Variants in VKORC1L1 observed in about 807,000 individuals in gnomAD.
The protein encoded by VKORC1L1 is vitamin K epoxide reductase complex subunit 1-like protein 1.
In VKORC1L1, 2 loss-of-function variants were observed where a neutral mutation model predicts 18.9. The ratio of observed to expected loss-of-function variants is 0.11; its 90% confidence interval spans 0.04 to 0.33. The LOEUF (loss-of-function observed/expected upper bound fraction) is 0.33, where lower values mean the gene tolerates loss of function less well. Among genes scored for constraint, VKORC1L1 ranks in the 10% least tolerant of loss-of-function variants. The pLI, the probability that VKORC1L1 is intolerant of heterozygous loss-of-function variation, is 1.00. For synonymous variants in VKORC1L1, 96 were observed against 100.0 expected (o/e 0.96, Z 0.24); for missense variants, 123 against 224.1 (o/e 0.55, Z 2.88).
intron 1 of VKORC1L1, among the ~76,000 whole-genome samples, chr7:65,912,505 C>G (rs1234523040): frequency 1.3e-5 from 2 of 152,194 alleles, no homozygotes; most frequent in Non-Finnish European, 2.9e-5. Context: ...TGAGAATAAC[C>G]TCATGAAGCA....
intron 1 of VKORC1L1, among the ~76,000 whole-genome samples, chr7:65,917,605 T>C (rs2115604070): frequency 6.6e-6 from 1 of 152,302 alleles, no homozygotes; most frequent in Middle Eastern, 3.4e-3. Context: ...CAGAAAACTT[T>C]AAAGAATTTT....
At chr7:65,889,607 C>T (rs112574973) in intron 1 of VKORC1L1, among the ~76,000 whole-genome samples, 2 of 152,208 alleles carry the variant, frequency 1.3e-5, no homozygotes, top group African/African-American at 2.4e-5. Flanking sequence ...CTGTAACCAA[C>T]ATTCCGGTCA....
chr7:65,877,239 T>TAA (rs1278742542), intron 1 of VKORC1L1, among the ~76,000 whole-genome samples: 4 of 152,226 alleles, frequency 2.6e-5, no homozygotes, highest in Admixed American at 2.6e-4. Context: ...TTTATATGTT[T>TAA]AAACATTAAT....
At chr7:65,890,411 G>A (rs188422762) in intron 1 of VKORC1L1, among the ~76,000 whole-genome samples, 1 of 152,082 alleles carries the variant, frequency 6.6e-6, no homozygotes, top group Non-Finnish European at 1.5e-5. Flanking sequence ...GATTACAGGC[G>A]TGAGCCACCA....
chr7:65,939,545 CTT>C (rs1790000745), intron 1 of VKORC1L1, among the ~76,000 whole-genome samples: 1 of 152,206 alleles, frequency 6.6e-6, no homozygotes, highest in African/African-American at 2.4e-5. Flanking sequence ...AGAGAAAAAA[CTT>C]TGGAGGCAGA....
intron 1 of VKORC1L1, among the ~76,000 whole-genome samples, chr7:65,904,481 A>G (rs559769203): frequency 6.6e-5 from 10 of 152,288 alleles, no homozygotes; most frequent in African/African-American, 2.4e-4. Context: ...CTGGGATTAC[A>G]GGCGTGAGCT....
In VKORC1L1 at chr7:65,895,483, ATATATATAT is replaced by A. The variant is rs1789188685; in HGVS notation, c.194+21919_194+21927del. The stretch of plus-strand genomic sequence containing the variant: ...AAAAAAAAAAAAAAAAAAAAAAAAT[ATATATATAT>A]ATATATATATATATATATATATATA... On this transcript the variant is annotated intron_variant, in intron 1 of 2. Transcript: ENST00000360768. 4.5e-3 allele frequency among the ~76,000 whole-genome samples: 123 copies of A among 27,320 alleles called. 2 individuals carry two copies. Among genetic ancestry groups the A allele is most frequent in the South Asian group, 9.8e-3 (5 of 510 alleles). 17.9% of individuals were successfully genotyped at this position (27,320 alleles called of 152,430 possible).
chr7:65,914,545 A>G (rs573187741), intron 1 of VKORC1L1, among the ~76,000 whole-genome samples: 1 of 152,328 alleles, frequency 6.6e-6, no homozygotes, highest in East Asian at 1.9e-4. Flanking sequence ...ACTGCTTTTT[A>G]ATGGCAATTA....
At chr7:65,901,017 C>A (rs1242004165) in intron 1 of VKORC1L1, among the ~76,000 whole-genome samples, 1 of 151,888 alleles carries the variant, frequency 6.6e-6, no homozygotes, top group Non-Finnish European at 1.5e-5. Flanking sequence ...GAAAATGAGG[C>A]AAGAATAGGA....
chr7:65,946,644 A>G (rs1790123482), intron 1 of VKORC1L1, among the ~76,000 whole-genome samples: 1 of 152,250 alleles, frequency 6.6e-6, no homozygotes, highest in South Asian at 2.1e-4. Context: ...GCTGCAGGTA[A>G]TCTGGCATTT....
At chr7:65,927,368 T>C (rs1040563209) in intron 1 of VKORC1L1, among the ~76,000 whole-genome samples, 1 of 152,158 alleles carries the variant, frequency 6.6e-6, no homozygotes, top group Non-Finnish European at 1.5e-5. Flanking sequence ...CAGAATTCAC[T>C]ATATGTAGGA....
chr7:65,904,964 A>G (rs544112864), intron 1 of VKORC1L1, among the ~76,000 whole-genome samples: 61 of 152,178 alleles, frequency 4.0e-4, no homozygotes, highest in African/African-American at 1.4e-3. Context: ...CATCGTATAC[A>G]TATTATGTAT....
At position 65,959,096 on chromosome 7, in the gene VKORC1L1, G is replaced by T. The variant is rs1310852644; in HGVS notation, c.*4796G>T. ...AGGCGGGTGGATCACTTGAGGTCAG[G>T]AGTTCAAGACCAGCCTGGCCAACAT... On this transcript the variant is annotated 3_prime_UTR_variant, in exon 3 of 3. Transcript: ENST00000360768. 4 of 152,268 alleles carry T rather than the reference G, an allele frequency of 2.6e-5. No homozygotes were observed. The highest frequency in any genetic ancestry group is 5.9e-5 in the Non-Finnish European group (4 of 68,150). The allele number at this position is 152,268 out of a possible 1,614,324, so 9.4% of individuals were successfully genotyped here. A position where few individuals can be genotyped will look rare whatever the true frequency, so the allele number is the denominator to read the frequency against.
chr7:65,875,196 T>C (rs1236331386), intron 1 of VKORC1L1, among the ~76,000 whole-genome samples: 9 of 152,236 alleles, frequency 5.9e-5, no homozygotes, highest in African/African-American at 1.9e-4. Flanking sequence ...TCAGCCTGTT[T>C]ATAAACTACT....
In VKORC1L1 at chr7:65,958,652, G is replaced by A. The variant is rs1360640380; in HGVS notation, c.*4352G>A. The A allele has an allele frequency of 2.6e-5, 4 of 152,298 alleles. No individual in the cohort carries two copies. Among genetic ancestry groups the A allele is most frequent in the Admixed American group, 6.5e-5 (1 of 15,278 alleles). The allele number at this position is 152,298 out of a possible 1,614,324, so 9.4% of individuals were successfully genotyped here. On this transcript the variant is annotated 3_prime_UTR_variant, in exon 3 of 3. Transcript: ENST00000360768. The stretch of plus-strand genomic sequence containing the variant: ...GCCTTATATTCTTGAAGTCAATACT[G>A]TAACCTCATTTCTAAGGTATACAGG...
intron 1 of VKORC1L1, among the ~76,000 whole-genome samples, chr7:65,914,012 C>G (rs1722728473): frequency 6.6e-6 from 1 of 151,954 alleles, no homozygotes; most frequent in Admixed American, 6.6e-5. Flanking sequence ...TAGACTCCAA[C>G]CCTTATTTCT....
At chr7:65,869,526 G>A (rs10260870), upstream of VKORC1L1, among the ~76,000 whole-genome samples, 1 of 151,706 alleles carries the variant, frequency 6.6e-6, no homozygotes, top group African/African-American at 2.4e-5. Flanking sequence ...CATCAGAGCT[G>A]AGAAAGACGT....
chr7:65,944,916 C>CAAA (rs376538691), intron 1 of VKORC1L1, among the ~76,000 whole-genome samples: 1 of 74,976 alleles, frequency 1.3e-5, no homozygotes. Flanking sequence ...GACCCCGTCT[C>CAAA]AAAAAAAAAA....
intron 1 of VKORC1L1, among the ~76,000 whole-genome samples, chr7:65,879,864 C>T (rs772104971): frequency 2.3e-4 from 29 of 128,046 alleles, no homozygotes; most frequent in Non-Finnish European, 4.2e-4. Context: ...TCTTCTTTAA[C>T]TTTTTGAGAC....
Sources: allele counts gnomAD v4.1 joint callset (sites outside exome capture counted in the v4.1 genomes callset), GRCh38; gene constraint gnomAD v4.1.1; transcripts MANE v1.5; gene names NCBI Gene and HGNC (gene_info 2026-07-23, HGNC 2026-07-21).